Variants in ADGRL3 observed in about 807,000 individuals in gnomAD.
The protein encoded by ADGRL3 is calcium-independent alpha-latrotoxin receptor 3.
A neutral mutation model predicts 153.5 loss-of-function variants in ADGRL3; 62 were observed. The ratio of observed to expected loss-of-function variants is 0.40; its 90% CI spans 0.33 to 0.50. ADGRL3 has a LOEUF of 0.50. ADGRL3 is among the 20% of genes least tolerant of loss of function. The pLI, the probability that ADGRL3 is intolerant of heterozygous loss-of-function variation, is 0.47. For synonymous variants in ADGRL3, 710 were observed against 672.5 expected, an observed-to-expected ratio of 1.06 and a Z score of -0.86; for missense variants, 1,641 against 1,859.4, an observed-to-expected ratio of 0.88 and a Z score of 2.16.
intron 11 of ADGRL3, among the ~76,000 whole-genome samples, chr4:61,898,003 G>A (rs916274581): frequency 2.0e-5 from 3 of 152,188 alleles, no homozygotes; most frequent in South Asian, 2.1e-4. Context: ...TGATCTTAAG[G>A]CAAGGGACAC....
intron 4 of ADGRL3, among the ~76,000 whole-genome samples, chr4:61,558,758 G>GT (rs908674280): frequency 7.2e-5 from 11 of 151,792 alleles, no homozygotes; most frequent in Non-Finnish European, 1.6e-4. Flanking sequence ...CGTTATTCAA[G>GT]TTTTTTCTGC....
intron 3 of ADGRL3, among the ~76,000 whole-genome samples, chr4:61,506,738 TA>T (rs1374210044): frequency 2.6e-5 from 4 of 152,104 alleles, no homozygotes; most frequent in Non-Finnish European, 5.9e-5. Flanking sequence ...TTCAGTGACC[TA>T]AATTAGAGAA....
chr4:61,863,186 A>C, intron 9 of ADGRL3, among the ~76,000 whole-genome samples: 1 of 145,510 alleles, frequency 6.9e-6, no homozygotes, highest in South Asian at 2.2e-4. Context: ...TCGACACATT[A>C]TTGACAAGGA....
chr4:61,704,665 G>C (rs1042090096), intron 6 of ADGRL3, among the ~76,000 whole-genome samples: 5 of 152,162 alleles, frequency 3.3e-5, no homozygotes, highest in Non-Finnish European at 5.9e-5. Context: ...TCTGTATCAT[G>C]ACAGGCTTTT....
Position 61,990,332 on chromosome 4 carries a change from G to A in ADGRL3, c.3237-5959G>A, listed in dbSNP as rs141213660. ...CATATATATATAATGTCCAGAATAG[G>A]CGAATCTTTAAAGACAGAAAATATA... On this transcript the variant is annotated intron_variant, in intron 19 of 26. Transcript: ENST00000683033. Among the ~76,000 whole-genome samples the A allele has an allele frequency of 3.8e-3, 580 of 151,960 alleles. 8 individuals carry two copies. Among genetic ancestry groups the A allele is most frequent in the East Asian group, 0.022 (115 of 5,166 alleles).
At chr4:61,299,474 T>G (rs538108188) in intron 1 of ADGRL3, among the ~76,000 whole-genome samples, 1 of 152,324 alleles carries the variant, frequency 6.6e-6, no homozygotes, top group Admixed American at 6.5e-5. Flanking sequence ...TGACTCAGAT[T>G]ATCAGTTTGC....
chr4:61,621,236 A>ATT, intron 5 of ADGRL3, among the ~76,000 whole-genome samples: 1 of 151,982 alleles, frequency 6.6e-6, no homozygotes, highest in Non-Finnish European at 1.5e-5. Flanking sequence ...TGTCTCAATT[A>ATT]TATAGTTTAT....
At chr4:61,883,362 G>T (rs1361972705) in intron 9 of ADGRL3, among the ~76,000 whole-genome samples, 2 of 152,062 alleles carry the variant, frequency 1.3e-5, no homozygotes, top group East Asian at 3.9e-4. Flanking sequence ...ATAGTAGTTG[G>T]CATGTGGTAA....
Position 61,895,788 on chromosome 4 carries a change from A to G in ADGRL3, c.1841A>G (p.Asp614Gly). ...PDGIWDPQGP[D>G]LSNCSSPWVN... The stretch of plus-strand genomic sequence containing the variant: ...GGAATTTGGGATCCCCAAGGTCCAG[A>G]TCTCAGCAACTGTTCTTCTCCTTGG... Residue 614 changes from aspartate (D) to glycine (G), a missense_variant, in exon 11 of 27, where the codon GAT becomes GGT. This residue lies in a region of ADGRL3 where 734 missense variants were observed against 797.0 expected (regional missense o/e 0.92). Coordinates refer to ENST00000683033, the MANE Select transcript of ADGRL3 (RefSeq NM_001387552.1). 3 of 1,601,062 alleles carry G rather than the reference A, an allele frequency of 1.9e-6. No individual in the cohort carries two copies. The highest frequency in any genetic ancestry group is 2.6e-6 in the Non-Finnish European group (3 of 1,173,086).
At chr4:61,791,696 T>A (rs1238992859) in intron 8 of ADGRL3, among the ~76,000 whole-genome samples, 1 of 152,204 alleles carries the variant, frequency 6.6e-6, no homozygotes, top group Non-Finnish European at 1.5e-5. Flanking sequence ...GCCACACCCC[T>A]GCAGAAAACT....
chr4:61,530,533 G>C (rs1332224112), intron 4 of ADGRL3, among the ~76,000 whole-genome samples: 1 of 152,140 alleles, frequency 6.6e-6, no homozygotes, highest in African/African-American at 2.4e-5. Flanking sequence ...TGTGGAGAAA[G>C]ATTTTTGCCT....
chr4:61,600,995 G>A (rs1219086148), intron 5 of ADGRL3, among the ~76,000 whole-genome samples: 1 of 151,922 alleles, frequency 6.6e-6, no homozygotes, highest in Non-Finnish European at 1.5e-5. Context: ...AGAAATTGGG[G>A]GCATTTTTTT....
intron 21 of ADGRL3, among the ~76,000 whole-genome samples, chr4:62,005,336 A>C (rs1238290956): frequency 6.6e-6 from 1 of 152,214 alleles, no homozygotes; most frequent in Non-Finnish European, 1.5e-5. Flanking sequence ...TTTATGCATA[A>C]GTGTATTTAA....
At chr4:61,366,033 T>G (rs184383411) in intron 1 of ADGRL3, among the ~76,000 whole-genome samples, 162 of 152,324 alleles carry the variant, frequency 1.1e-3, no homozygotes, top group African/African-American at 3.8e-3. Flanking sequence ...CCTATAATTT[T>G]GTTTGGCAAA....
At chr4:61,637,604 A>G (rs1021314105) in intron 5 of ADGRL3, among the ~76,000 whole-genome samples, 2 of 152,204 alleles carry the variant, frequency 1.3e-5, no homozygotes, top group Non-Finnish European at 1.5e-5. Context: ...TCTATGCAAA[A>G]ATACAAAAAT....
chr4:61,630,466 C>T (rs1560963381), intron 5 of ADGRL3, among the ~76,000 whole-genome samples: 1 of 152,190 alleles, frequency 6.6e-6, no homozygotes, highest in Non-Finnish European at 1.5e-5. Flanking sequence ...GTAAAGATAT[C>T]AAGGAGTCAG....
chr4:61,892,570 T>C (rs1357905889), intron 9 of ADGRL3, 86 bp from the exon 10 acceptor site: 2 of 987,248 alleles, frequency 2.0e-6, no homozygotes, highest in Non-Finnish European at 3.1e-6. Flanking sequence ...AACTGTCAAA[T>C]AAAAACAATT....
chr4:61,809,851 T>A (rs1320674386), intron 8 of ADGRL3, among the ~76,000 whole-genome samples: 1 of 152,170 alleles, frequency 6.6e-6, no homozygotes, highest in Non-Finnish European at 1.5e-5. Flanking sequence ...CTTTTCTGTG[T>A]ACTAAAAACT....
At position 61,200,332 on chromosome 4, in the gene ADGRL3, G is replaced by A. The variant is rs1012071960; in HGVS notation, c.-1673G>A. Among the ~76,000 whole-genome samples, 7 of 151,738 alleles carry A rather than the reference G, an allele frequency of 4.6e-5. No homozygotes were observed. The highest frequency in any genetic ancestry group is 8.8e-5 in the Non-Finnish European group (6 of 67,930). On this transcript the variant is annotated 5_prime_UTR_variant, in exon 1 of 27. Transcript: ENST00000683033. The stretch of plus-strand genomic sequence containing the variant: ...GCCCGCCCGACCGCTGCTCATTCTG[G>A]CCTCCGCTCCGGCCCCGGCTGCGCC...
Sources: allele counts gnomAD v4.1 joint callset (sites outside exome capture counted in the v4.1 genomes callset), GRCh38; gene constraint gnomAD v4.1.1; regional missense constraint gnomAD v4.1.1; transcripts MANE v1.5; gene names NCBI Gene and HGNC (gene_info 2026-07-23, HGNC 2026-07-21).